Variants in TBC1D10B observed in about 807,000 individuals in gnomAD.
TBC1D10B encodes the protein Rab27A-GAPbeta.
TBC1D10B carries 25 observed loss-of-function variants against 78.4 expected under a neutral mutation model. That is an observed-to-expected ratio of 0.32 (90% CI 0.23 to 0.45). The LOEUF (loss-of-function observed/expected upper bound fraction) is 0.45, where lower values mean the gene tolerates loss of function less well. Ranked by LOEUF, TBC1D10B falls within the 20% of genes least tolerant of loss-of-function variation. The probability of loss-of-function intolerance (pLI) is 1.00; values close to 1 mark genes in which losing one functional copy is unlikely to be tolerated. For missense variants in TBC1D10B, 996 were observed against 1,104.8 expected, an observed-to-expected ratio of 0.90 and a Z score of 1.40; for synonymous variants, 517 against 478.0, an observed-to-expected ratio of 1.08 and a Z score of -1.06.
In TBC1D10B at chr16:30,358,496, C is replaced by A. The variant is rs1481821990; in HGVS notation, c.1875G>T (p.Arg625=). ...GTGAGGGCCGATACTGCAGCTCCCCCCGCGTTTCCCGCCACTTCTTGAGCT... is the reference window on the plus strand; with the variant it reads ...GTGAGGGCCGATACTGCAGCTCCCCACGCGTTTCCCGCCACTTCTTGAGCT... ...AAQLKKWRET[R]GELQYRPSRR... Residue 625 remains arginine, a synonymous_variant, in exon 9 of 9, where the codon CGG becomes CGT. Transcript: ENST00000409939. The A allele has an allele frequency of 6.2e-7, 1 of 1,604,652 alleles. No individual in the cohort carries two copies. The highest frequency in any genetic ancestry group is 2.3e-5 in the East Asian group (1 of 44,414).
chr16:30,358,138 CCTT>C lies in TBC1D10B; in HGVS notation c.2230_2232del (p.Lys744del), dbSNP rs918731645. On this transcript the variant is annotated inframe_deletion, in exon 9 of 9. Transcript: ENST00000409939. ...CGCTCTTTCTCCTGCTTCTGCCGCTCCTTCTCCCGCTCCTTCTCCTGTTTCTGC... is the reference window on the plus strand; with the variant it reads ...CGCTCTTTCTCCTGCTTCTGCCGCTCCTCCCGCTCCTTCTCCTGTTTCTGC... 1.4e-5 allele frequency: 22 copies of C among 1,550,752 alleles called. No homozygotes were observed. The highest frequency in any genetic ancestry group is 1.8e-5 in the Non-Finnish European group (21 of 1,146,280).
chr16:30,359,279 T>TGCC lies in TBC1D10B; in HGVS notation c.1532_1534dup (p.Arg511dup). The TGCC allele has an allele frequency of 6.2e-7, 1 of 1,608,590 alleles. No individual in the cohort carries two copies. Among genetic ancestry groups the TGCC allele is most frequent in the Non-Finnish European group, 8.5e-7 (1 of 1,177,712 alleles). ...CATGTAGAGCACAGGGTCAATGCGC[T>TGCC]GCCGCCGCAGGTGGCGATGCGCCAG... On this transcript the variant is annotated inframe_insertion, in exon 7 of 9. Transcript: ENST00000409939.
intron 7 of TBC1D10B, 76 bp from the exon 8 acceptor site, chr16:30,358,893 C>A (rs957420420): frequency 1.4e-6 from 2 of 1,480,574 alleles, no homozygotes; most frequent in Admixed American, 2.4e-5. Context: ...GATAGACTCA[C>A]AGCCCCCATC....
At position 30,369,962 on chromosome 16, in the gene TBC1D10B, C is replaced by T. The variant is rs995495822; in HGVS notation, c.222G>A (p.Pro74=). ...PGSAETSAPA[P]APAPAPAPAV... The stretch of plus-strand genomic sequence containing the variant: ...CCGGGGCTGGGGCCGGGGCTGGGGC[C>T]GGGGCCGGAGCAGAGGTCTCGGCCG... The change falls in exon 1 of 9, where the codon CCG becomes CCA. Residue 74 remains proline, a synonymous_variant. Transcript: ENST00000409939. The surrounding 1 kb of genome is among the most constrained non-coding windows in gnomAD (Gnocchi z 4.3). 1.8e-5 allele frequency: 23 copies of T among 1,279,096 alleles called. No individual in the cohort carries two copies. Among genetic ancestry groups the T allele is most frequent in the Non-Finnish European group, 2.1e-5 (21 of 1,014,702 alleles). The allele number at this position is 1,279,096 out of a possible 1,614,324, so 79.2% of individuals were successfully genotyped here.
In TBC1D10B at chr16:30,357,756, G is replaced by T; in HGVS notation, c.*188C>A. ...GCCTCATGGGAGATGAGAGGCTCCA[G>T]ACTCATTTGCAGCTGCCCATCTGTC... On this transcript the variant is annotated 3_prime_UTR_variant, in exon 9 of 9. Coordinates refer to ENST00000409939, the MANE Select transcript of TBC1D10B (RefSeq NM_015527.4). 1.3e-6 allele frequency: 1 copy of T among 785,846 alleles called. No homozygotes were observed. Among genetic ancestry groups the T allele is most frequent in the Non-Finnish European group, 2.0e-6 (1 of 507,678 alleles). 48.7% of individuals were successfully genotyped at this position (785,846 alleles called of 1,614,324 possible). A position where few individuals can be genotyped will look rare whatever the true frequency, so the allele number is the denominator to read the frequency against.
intron 6 of TBC1D10B, 51 bp downstream of exon 6, chr16:30,359,487 G>T (rs1046901317): frequency 7.1e-6 from 11 of 1,551,686 alleles, no homozygotes; most frequent in Middle Eastern, 1.7e-4. Flanking sequence ...CCTGCCTGCA[G>T]CCTGGAGGAA....
In TBC1D10B at chr16:30,358,426, G is replaced by T; in HGVS notation, c.1945C>A (p.Gln649Lys). ...SRAIHEERRR[Q>K]QPPLGPSSSL... ...GAGGAGGGGCCCAGGGGTGGCTGTTGCCGCCGGCGCTCCTCGTGGATGGCC... is the reference window on the plus strand; with the variant it reads ...GAGGAGGGGCCCAGGGGTGGCTGTTTCCGCCGGCGCTCCTCGTGGATGGCC... Residue 649 changes from glutamine to lysine, a missense_variant, in exon 9 of 9, where the codon CAA (glutamine) becomes AAA (lysine). Transcript: ENST00000409939. 1 of 1,581,556 alleles carries T rather than the reference G, an allele frequency of 6.3e-7. No individual in the cohort carries two copies.
chr16:30,369,994 G>A lies in TBC1D10B; in HGVS notation c.190C>T (p.Pro64Ser), dbSNP rs1796204321. The change falls in exon 1 of 9, where the codon CCG becomes TCG. Residue 64 changes from proline (P) to serine (S), a missense_variant. By Grantham distance (74) the Pro-to-Ser change is moderately conservative. Transcript: ENST00000409939. This position sits in a 1 kb window ranked among gnomAD's most constrained non-coding sequence, Gnocchi z 4.3. ...GGAGCAGAGGTCTCGGCCGACCCCG[G>A]GACCCAGGCGGGCCGCGCCTCCCCG... ...APGEARPAWV[P>S]GSAETSAPAP... 2 of 1,234,500 alleles carry A rather than the reference G, an allele frequency of 1.6e-6. No homozygotes were observed. Among genetic ancestry groups the A allele is most frequent in the Non-Finnish European group, 2.0e-6 (2 of 989,348 alleles). The allele number at this position is 1,234,500 out of a possible 1,614,324, so 76.5% of individuals were successfully genotyped here.
chr16:30,367,838 A>G (rs1596989928), intron 1 of TBC1D10B: 2 of 152,348 alleles, frequency 1.3e-5, no homozygotes, highest in East Asian at 3.9e-4. Flanking sequence ...GTCTTGCCCA[A>G]GAGGTAGAGT....
In TBC1D10B at chr16:30,369,886, C is replaced by A; in HGVS notation, c.298G>T (p.Ala100Ser). 1 of 1,393,870 alleles carries A rather than the reference C, an allele frequency of 7.2e-7. No homozygotes were observed. Among genetic ancestry groups the A allele is most frequent in the Non-Finnish European group, 9.3e-7 (1 of 1,077,728 alleles). 86.3% of individuals were successfully genotyped at this position (1,393,870 alleles called of 1,614,324 possible). A position where few individuals can be genotyped will look rare whatever the true frequency, so the allele number is the denominator to read the frequency against. ...CCGGAGGGGAGCTGCGGCTTTGGGG[C>A]TTCGGGCGAGGCCTCCAGGGTCAGC... ...VVLTLEASPE[A>S]PKPQLPSGPE... The change falls in exon 1 of 9, where the codon GCC (alanine) becomes TCC (serine). Residue 100 changes from alanine (A) to serine (S), a missense_variant. Around this residue, in one of 5 missense-constraint regions of TBC1D10B, gnomAD observed 448 missense variants for 442.1 expected, o/e 1.01. Coordinates refer to ENST00000409939, the MANE Select transcript of TBC1D10B (RefSeq NM_015527.4). This position sits in a 1 kb window ranked among gnomAD's most constrained non-coding sequence, Gnocchi z 4.3.
intron 4 of TBC1D10B, among the ~76,000 whole-genome samples, chr16:30,362,143 C>G (rs1342956369): frequency 1.3e-5 from 2 of 152,082 alleles, no homozygotes; most frequent in Non-Finnish European, 2.9e-5. Context: ...GCCACCACGC[C>G]TGGCCTTTTA....
Position 30,369,739 on chromosome 16 carries a change from G to A in TBC1D10B, c.445C>T (p.Pro149Ser), listed in dbSNP as rs552894253. ...RPSPAPGPGT[P>S]TGTPTRTPSR... ...GGGGTCCTGGTAGGGGTCCCGGTGG[G>A]GGTCCCTGGTCCTGGGGCGGGTGAG... Residue 149 changes from proline to serine, a missense_variant, in exon 1 of 9, where the codon CCC becomes TCC. Coordinates refer to ENST00000409939, the MANE Select transcript of TBC1D10B (RefSeq NM_015527.4). The surrounding 1 kb of genome is among the most constrained non-coding windows in gnomAD (Gnocchi z 4.3). The A allele has an allele frequency of 6.1e-6, 9 of 1,465,698 alleles. No homozygotes were observed. Among genetic ancestry groups the A allele is most frequent in the South Asian group, 4.2e-5 (3 of 70,802 alleles). The allele number at this position is 1,465,698 out of a possible 1,614,324, so 90.8% of individuals were successfully genotyped here.
chr16:30,368,245 C>A (rs983985668), intron 1 of TBC1D10B, among the ~76,000 whole-genome samples: 9 of 152,162 alleles, frequency 5.9e-5, no homozygotes, highest in African/African-American at 4.8e-5. Context: ...AAGACTAAAT[C>A]AATCCTACTT....
Position 30,358,374 on chromosome 16 carries a change from T to C in TBC1D10B, c.1997A>G (p.Lys666Arg). The C allele has an allele frequency of 6.4e-7, 1 of 1,563,108 alleles. No homozygotes were observed. Among genetic ancestry groups the C allele is most frequent in the Non-Finnish European group, 8.7e-7 (1 of 1,154,160 alleles). The change falls in exon 9 of 9, where the codon AAG (lysine) becomes AGG (arginine). Residue 666 changes from lysine to arginine, a missense_variant. Physicochemically the swap from Lys to Arg is conservative, Grantham distance 26. Coordinates refer to ENST00000409939, the MANE Select transcript of TBC1D10B (RefSeq NM_015527.4). ...TCCAGCTGCCCGGGAGCCTCGGCTC[T>C]TGAGGCCAGGGAGGCTGAGGAGGCT... is the stretch of plus-strand genomic sequence containing the variant. ...SSSLLSLPGL[K>R]SRGSRAAGGA... is the part of the protein sequence containing the mutation.
chr16:30,369,413 A>G lies in TBC1D10B; in HGVS notation c.771T>C (p.Ser257=), dbSNP rs769596024. Reference sequence around the variant, plus strand: ...TGTCCGGGGCCTGCCCTCGAGGCCCAGAGATGCCAGGTCCCAGGCTGGACG... The same window carrying G: ...TGTCCGGGGCCTGCCCTCGAGGCCCGGAGATGCCAGGTCCCAGGCTGGACG... ...GSTSSLGPGI[S]GPRGQAPDTL... The change falls in exon 1 of 9, where the codon TCT becomes TCC. Residue 257 remains serine (S), a synonymous_variant. Transcript: ENST00000409939. This position sits in a 1 kb window ranked among gnomAD's most constrained non-coding sequence, Gnocchi z 4.3. The G allele has an allele frequency of 6.3e-7, 1 of 1,575,332 alleles. No individual in the cohort carries two copies.
rs372062930 is a variant in TBC1D10B, at chr16:30,358,227, A to C, written c.2144T>G (p.Leu715Trp). 5 of 1,555,308 alleles carry C rather than the reference A, an allele frequency of 3.2e-6. No individual in the cohort carries two copies. The African/African-American group carries it at 6.8e-5, about 21-fold the overall frequency. ...LPSPTGNSTP[L>W]GSSKETRKQE... ...CTTCCGGGTCTCCTTGCTGGAACCC[A>C]AGGGGGTGCTATTGCCAGTGGGTGA... is the stretch of plus-strand genomic sequence containing the variant. Residue 715 changes from leucine to tryptophan, a missense_variant, in exon 9 of 9, where the codon TTG becomes TGG. Transcript: ENST00000409939.
In TBC1D10B at chr16:30,369,392, CG is replaced by C; in HGVS notation, c.791del (p.Pro264ArgfsTer4). 1 of 1,587,746 alleles carries C rather than the reference CG, an allele frequency of 6.3e-7. No homozygotes were observed. The highest frequency in any genetic ancestry group is 1.8e-5 in the Admixed American group (1 of 55,886). On this transcript the variant is annotated frameshift_variant, in exon 1 of 9. Coordinates refer to ENST00000409939, the MANE Select transcript of TBC1D10B (RefSeq NM_015527.4). LOFTEE classifies it high-confidence loss of function. The surrounding 1 kb of genome is among the most constrained non-coding windows in gnomAD (Gnocchi z 4.3). The stretch of plus-strand genomic sequence containing the variant: ...CGGAGTCCAAGTAACTCAGCGTGTC[CG>C]GGGCCTGCCCTCGAGGCCCAGAGAT... The part of the protein sequence containing the change: ...PGISGPRGQA[P>X]DTLSYLDSVS...
Position 30,369,614 on chromosome 16 carries a change from T to G in TBC1D10B, c.570A>C (p.Gly190=). The change falls in exon 1 of 9, where the codon GGA becomes GGC. Residue 190 remains glycine, a synonymous_variant. Transcript: ENST00000409939. This position sits in a 1 kb window ranked among gnomAD's most constrained non-coding sequence, Gnocchi z 4.3. ...ASGVTARSAS[G]QVTGGHGAAA... ...CAGCTCCATGCCCACCTGTCACTTG[T>G]CCTGATGCACTCCGTGCAGTCACTC... is the stretch of plus-strand genomic sequence containing the variant. The G allele has an allele frequency of 6.5e-7, 1 of 1,527,196 alleles. No individual in the cohort carries two copies. The highest frequency in any genetic ancestry group is 8.8e-7 in the Non-Finnish European group (1 of 1,134,522). The allele number at this position is 1,527,196 out of a possible 1,614,324, so 94.6% of individuals were successfully genotyped here.
At position 30,358,073 on chromosome 16, in the gene TBC1D10B, C is replaced by T; in HGVS notation, c.2298G>A (p.Glu766=). The change falls in exon 9 of 9, where the codon GAG becomes GAA. Residue 766 remains glutamate (E), a synonymous_variant. Coordinates refer to ENST00000409939, the MANE Select transcript of TBC1D10B (RefSeq NM_015527.4). ...GAGCCTTCTTCTCCTGCTTCTGCCG[C>T]TCCTTCTCCTGCTTCTCTCGCTCCT... The part of the protein sequence containing the change: ...QEKEREKQEK[E]RQKQEKKAQG... 3 of 1,551,436 alleles carry T rather than the reference C, an allele frequency of 1.9e-6. No individual in the cohort carries two copies. Among genetic ancestry groups the T allele is most frequent in the Non-Finnish European group, 2.6e-6 (3 of 1,146,478 alleles).
Sources: gnomAD v4.1 joint callset for allele counts (sites outside exome capture counted in the v4.1 genomes callset) on GRCh38, gnomAD v4.1.1 for gene constraint, gnomAD v4.1.1 regional missense constraint, Gnocchi (gnomAD v3.1) non-coding constraint, MANE v1.5 for transcripts, NCBI Gene and HGNC (gene_info 2026-07-23, HGNC 2026-07-21) for gene names.